Variants in SYT14 observed in about 807,000 individuals in gnomAD.
SYT14 encodes the protein synaptotagmin 14.
SYT14 carries 32 observed loss-of-function variants against 74.2 expected under a neutral mutation model. The observed-to-expected ratio is 0.43, with a 90% confidence interval of 0.33 to 0.58. The LOEUF is 0.58. Among genes scored for constraint, SYT14 ranks in the 20% least tolerant of loss-of-function variants. The probability of loss-of-function intolerance (pLI) is 0.05; values close to 1 mark genes in which losing one functional copy is unlikely to be tolerated. For missense variants in SYT14, 791 were observed against 981.8 expected (o/e 0.81, Z 2.60); for synonymous variants, 298 against 337.7 (o/e 0.88, Z 1.29).
chr1:209,990,548 T>C lies in SYT14; in HGVS notation c.-485-23085T>C, dbSNP rs4844506. On this transcript the variant is annotated intron_variant, in intron 2 of 9. Coordinates refer to ENST00000637265, the Ensembl canonical transcript of SYT14. ...ACATATATATATATACGTATATATA[T>C]GTATATATATACGTATATATATGTA... Among the ~76,000 whole-genome samples, 2,169 of 68,058 alleles carry C rather than the reference T, an allele frequency of 0.032. 327 individuals are homozygous for C. The East Asian group carries it at 0.38, about 12-fold the overall frequency. 44.6% of individuals were successfully genotyped at this position (68,058 alleles called of 152,430 possible).
At chr1:210,028,905 C>T (rs1558139455) in intron 5 of SYT14, among the ~76,000 whole-genome samples, 2 of 152,134 alleles carry the variant, frequency 1.3e-5, no homozygotes, top group African/African-American at 4.8e-5. Context: ...TACAAGCGTT[C>T]CAATTTCTCT....
intron 2 of SYT14, among the ~76,000 whole-genome samples, chr1:209,961,536 C>G (rs891660998): frequency 2.0e-5 from 3 of 152,088 alleles, no homozygotes; most frequent in African/African-American, 4.8e-5. Context: ...CAGTTTCCCC[C>G]TCTGTAAAAT....
chr1:210,029,027 G>T (rs963915872), intron 5 of SYT14, among the ~76,000 whole-genome samples: 1 of 152,028 alleles, frequency 6.6e-6, no homozygotes, highest in East Asian at 1.9e-4. Flanking sequence ...AATTATTAGC[G>T]ACACTGAACA....
chr1:209,992,627 G>A (rs2079713145), intron 2 of SYT14, among the ~76,000 whole-genome samples: 2 of 152,038 alleles, frequency 1.3e-5, no homozygotes, highest in Non-Finnish European at 2.9e-5. Context: ...ACACCACTAT[G>A]CAATATATCT....
chr1:210,082,412 G>A (rs2081633167), intron 5 of SYT14, among the ~76,000 whole-genome samples: 1 of 152,106 alleles, frequency 6.6e-6, no homozygotes, highest in South Asian at 2.1e-4. Context: ...TTATCTTTCA[G>A]GGCCACCTCT....
chr1:210,113,185 GA>G (rs2082297790), intron 7 of SYT14, among the ~76,000 whole-genome samples: 1 of 151,254 alleles, frequency 6.6e-6, no homozygotes, highest in Admixed American at 6.6e-5. Flanking sequence ...TGTGTGTAAT[GA>G]AAAGGGAGTG....
exon 4 of SYT14, chr1:210,016,438 C>T (rs746245890): frequency 1.6e-6 from 2 of 1,231,850 alleles, no homozygotes; most frequent in Admixed American, 4.2e-5. Flanking sequence ...CTTTGAAAGG[C>T]TACATGAATA....
At chr1:210,013,688 G>C in exon 3 of SYT14, 1 of 1,612,978 alleles carries the variant, frequency 6.2e-7, no homozygotes, top group Non-Finnish European at 8.5e-7. Context: ...TTATCTTGAT[G>C]CTGCTCCTTT....
chr1:209,998,207 G>A (rs2079832820), intron 2 of SYT14, among the ~76,000 whole-genome samples: 1 of 151,740 alleles, frequency 6.6e-6, no homozygotes, highest in Non-Finnish European at 1.5e-5. Flanking sequence ...ATTAACCACA[G>A]GTATGGAAAA....
At chr1:210,142,345 C>G (rs762060464) in intron 7 of SYT14, among the ~76,000 whole-genome samples, 66 of 152,156 alleles carry the variant, frequency 4.3e-4, no homozygotes, top group Non-Finnish European at 8.5e-4. Context: ...AATAAACACT[C>G]CTTGGAGTGT....
At chr1:209,968,973 C>T (rs1233767499) in intron 2 of SYT14, among the ~76,000 whole-genome samples, 1 of 152,032 alleles carries the variant, frequency 6.6e-6, no homozygotes, top group African/African-American at 2.4e-5. Context: ...GTTTAGCTCC[C>T]ACTTATAAGT....
chr1:210,046,097 A>T lies in SYT14; in HGVS notation c.1312+24843A>T, dbSNP rs916120867. Among the ~76,000 whole-genome samples, 7 of 152,180 alleles carry T rather than the reference A, an allele frequency of 4.6e-5. No homozygotes were observed. The East Asian group carries it at 1.2e-3, about 25-fold the overall frequency. On this transcript the variant is annotated intron_variant, in intron 5 of 9. Coordinates refer to ENST00000637265, the Ensembl canonical transcript of SYT14. ...CTTTAAAATTTACTCATGGCTGGGT[A>T]TGGTGGCTCACGCCTATAATCCCAG...
rs1558130636 is a variant in SYT14 at position 210,016,897 on chromosome 1, TA to T, written c.895del (p.Ile299LeufsTer2). 2.4e-6 allele frequency: 3 copies of T among 1,231,438 alleles called. No homozygotes were observed. The highest frequency in any genetic ancestry group is 2.0e-6 in the Non-Finnish European group (2 of 987,726). 76.3% of individuals were successfully genotyped at this position (1,231,438 alleles called of 1,614,324 possible). ...GCAATAGGCATATGACACAGAAATCTATTATAAAAGAAGACATACATCCAGC... is the reference window on the plus strand; with the variant it reads ...GCAATAGGCATATGACACAGAAATCTTTATAAAAGAAGACATACATCCAGC... On this transcript the variant is annotated frameshift_variant, in exon 4 of 10. Coordinates refer to ENST00000637265, the Ensembl canonical transcript of SYT14. LOFTEE classifies it high-confidence loss of function.
intron 7 of SYT14, among the ~76,000 whole-genome samples, chr1:210,128,704 A>G (rs2082618146): frequency 6.6e-6 from 1 of 152,222 alleles, no homozygotes; most frequent in African/African-American, 2.4e-5. Context: ...CTTATGGAAT[A>G]CGAACAGTGT....
chr1:210,159,588 C>T, intron 9 of SYT14, 111 bp downstream of exon 8: 3 of 865,988 alleles, frequency 3.5e-6, no homozygotes, highest in Non-Finnish European at 5.7e-6. Context: ...AAACAATGCA[C>T]ATTTATTATC....
intron 5 of SYT14, among the ~76,000 whole-genome samples, chr1:210,032,705 CAAAT>C (rs1182283901): frequency 1.4e-5 from 2 of 146,966 alleles, no homozygotes; most frequent in Non-Finnish European, 3.0e-5. Context: ...TTAATAGTTA[CAAAT>C]AAATACTGTA....
At chr1:210,162,766 T>A in exon 10 of SYT14, 1 of 444,942 alleles carries the variant, frequency 2.2e-6, no homozygotes, top group Non-Finnish European at 4.5e-6. Context: ...AACTTCTGTA[T>A]TTTTTTAGTT....
At chr1:210,006,196 T>A (rs1327961789) in intron 2 of SYT14, among the ~76,000 whole-genome samples, 4 of 152,024 alleles carry the variant, frequency 2.6e-5, no homozygotes, top group Non-Finnish European at 5.9e-5. Context: ...GATTGTTTTT[T>A]ATAAAATCTG....
chr1:210,037,475 T>C (rs2080690925), intron 5 of SYT14, among the ~76,000 whole-genome samples: 1 of 151,846 alleles, frequency 6.6e-6, no homozygotes, highest in South Asian at 2.1e-4. Context: ...ATTTTGGGTT[T>C]GGTTTTCTCA....
Sources: allele counts gnomAD v4.1 joint callset (sites outside exome capture counted in the v4.1 genomes callset), GRCh38; gene constraint gnomAD v4.1.1; transcripts MANE v1.5; gene names NCBI Gene and HGNC (gene_info 2026-07-23, HGNC 2026-07-21).